CACNA2D2: variants seen among roughly 807,000 people sequenced by gnomAD.
CACNA2D2 encodes the protein voltage-dependent calcium channel subunit alpha-2/delta-2.
In CACNA2D2, 48 loss-of-function variants were observed where a neutral mutation model predicts 166.4. That is an observed-to-expected ratio of 0.29 (90% CI 0.23 to 0.37). The LOEUF is 0.37. Ranked by LOEUF, CACNA2D2 falls within the 10% of genes least tolerant of loss-of-function variation. The pLI, the probability that CACNA2D2 is intolerant of heterozygous loss-of-function variation, is 1.00. For missense variants in CACNA2D2, 1,122 were observed against 1,433.0 expected (o/e 0.78, Z 3.50); for synonymous variants, 561 against 573.7 (o/e 0.98, Z 0.32).
At position 50,367,201 on chromosome 3, in the gene CACNA2D2, G is replaced by A. The variant is rs1334231669; in HGVS notation, c.2402-92C>T. On this transcript the variant is annotated intron_variant, in intron 27 of 37. Transcript: ENST00000424201. This position sits in a 1 kb window ranked among gnomAD's most constrained non-coding sequence, Gnocchi z 6.5. ...CTACAAACCCAGCAGTCCAATCCCG[G>A]GATGACTCCAGCCCAAGCACCCAGC... 3.6e-6 allele frequency: 4 copies of A among 1,096,620 alleles called. No individual in the cohort carries two copies. Among genetic ancestry groups the A allele is most frequent in the Non-Finnish European group, 5.5e-6 (4 of 733,450 alleles). The allele number at this position is 1,096,620 out of a possible 1,614,324, so 67.9% of individuals were successfully genotyped here.
intron 3 of CACNA2D2, among the ~76,000 whole-genome samples, chr3:50,397,670 G>A (rs1706227887): frequency 6.6e-6 from 1 of 152,218 alleles, no homozygotes; most frequent in Non-Finnish European, 1.5e-5. Flanking sequence ...ACCCTCAGCA[G>A]CTGCACATAG....
At chr3:50,434,556 C>A in intron 2 of CACNA2D2, 127 bp from the exon 3 acceptor site, 1 of 726,904 alleles carries the variant, frequency 1.4e-6, no homozygotes, top group Non-Finnish European at 2.4e-6. Context: ...CTGTCTTTGG[C>A]CTCTGAGAGA....
chr3:50,454,941 C>G (rs1256613971), intron 2 of CACNA2D2, among the ~76,000 whole-genome samples: 2 of 152,166 alleles, frequency 1.3e-5, no homozygotes, highest in Non-Finnish European at 2.9e-5. Context: ...ATGGCGCCCC[C>G]CTTGAAGCCA....
chr3:50,415,149 A>G (rs72936980), intron 3 of CACNA2D2, among the ~76,000 whole-genome samples: 4,746 of 152,278 alleles, frequency 0.031, 243 homozygotes, highest in African/African-American at 0.11. Context: ...CTGACGGCCA[A>G]TGAAATGCCC....
In CACNA2D2 at chr3:50,479,968, T is replaced by C. The variant is rs544483885; in HGVS notation, c.207-3769A>G. 5.3e-5 allele frequency among the ~76,000 whole-genome samples: 8 copies of C among 151,910 alleles called. 1 individual carries two copies. The South Asian group carries it at 1.7e-3, about 32-fold the overall frequency. ...AACTAACAAGGCAGTGAGGGGAGAG[T>C]GGCCAGGAGGAGATGTAGGCATCTA... On this transcript the variant is annotated intron_variant, in intron 1 of 37. Coordinates refer to ENST00000424201, the MANE Select transcript of CACNA2D2 (RefSeq NM_006030.4).
At chr3:50,449,269 C>T (rs1305385101) in intron 2 of CACNA2D2, among the ~76,000 whole-genome samples, 1 of 152,234 alleles carries the variant, frequency 6.6e-6, no homozygotes, top group Non-Finnish European at 1.5e-5. Context: ...CCTAGGACCT[C>T]ACCATGAGCC....
chr3:50,378,887 C>T (rs776383925), intron 13 of CACNA2D2, 28 bp downstream of exon 13: 2 of 1,613,058 alleles, frequency 1.2e-6, no homozygotes, highest in South Asian at 2.2e-5. Context: ...GCAGGCAGGC[C>T]CCTGACAGTG....
intron 1 of CACNA2D2, among the ~76,000 whole-genome samples, chr3:50,483,267 C>A (rs1007942391): frequency 6.6e-6 from 1 of 152,172 alleles, no homozygotes; most frequent in African/African-American, 2.4e-5. Flanking sequence ...CCACTCATTG[C>A]ATGCACACAG....
At chr3:50,450,750 G>A (rs1240312878) in intron 2 of CACNA2D2, among the ~76,000 whole-genome samples, 1 of 152,146 alleles carries the variant, frequency 6.6e-6, no homozygotes. Context: ...CTGACTCAGA[G>A]CCTTCCCTTC....
In CACNA2D2 at chr3:50,405,494, T is replaced by C. The variant is rs78236780; in HGVS notation, c.406-11326A>G. Among the ~76,000 whole-genome samples the C allele has an allele frequency of 6.9e-3, 1,051 of 152,218 alleles. 6 individuals carry two copies. The highest frequency in any genetic ancestry group is 0.024 in the African/African-American group (982 of 41,526). On this transcript the variant is annotated intron_variant, in intron 3 of 37. Coordinates refer to ENST00000424201, the MANE Select transcript of CACNA2D2 (RefSeq NM_006030.4). Reference sequence around the variant, plus strand: ...TCAGGGCTGGGTTTGGGCAACCACCTGGGTGTTATCTTGCCCAGGCCCCCT... The same window carrying C: ...TCAGGGCTGGGTTTGGGCAACCACCCGGGTGTTATCTTGCCCAGGCCCCCT...
At chr3:50,399,697 C>T (rs925195981) in intron 3 of CACNA2D2, among the ~76,000 whole-genome samples, 1 of 152,166 alleles carries the variant, frequency 6.6e-6, no homozygotes, top group Admixed American at 6.5e-5. Context: ...CTGCCCCAGA[C>T]CCCTAGGTAG....
chr3:50,410,803 G>A (rs1231549742), intron 3 of CACNA2D2, among the ~76,000 whole-genome samples: 1 of 152,244 alleles, frequency 6.6e-6, no homozygotes, highest in East Asian at 1.9e-4. Flanking sequence ...AGTGGGTGAG[G>A]AGGTTTCTTC....
At chr3:50,460,161 G>C (rs1709528318) in intron 2 of CACNA2D2, among the ~76,000 whole-genome samples, 2 of 152,186 alleles carry the variant, frequency 1.3e-5, no homozygotes, top group Admixed American at 1.3e-4. Flanking sequence ...AAGAAAAAAA[G>C]GAGACTAGGG....
At chr3:50,429,985 G>T (rs1707994751) in intron 3 of CACNA2D2, among the ~76,000 whole-genome samples, 1 of 152,186 alleles carries the variant, frequency 6.6e-6, no homozygotes, top group African/African-American at 2.4e-5. Context: ...GCAAAGGTCT[G>T]ACCCTTAGGA....
At chr3:50,480,584 AG>A (rs1182942875) in intron 1 of CACNA2D2, among the ~76,000 whole-genome samples, 3 of 151,692 alleles carry the variant, frequency 2.0e-5, no homozygotes, top group African/African-American at 7.3e-5. Flanking sequence ...CTTGGTTTCC[AG>A]GGCATGGTTC....
intron 1 of CACNA2D2, among the ~76,000 whole-genome samples, chr3:50,491,718 G>C (rs995523250): frequency 2.0e-5 from 3 of 152,232 alleles, no homozygotes; most frequent in Non-Finnish European, 4.4e-5. Flanking sequence ...AGGACTATCA[G>C]TCGGGGGACT....
rs748268835 is a variant in CACNA2D2, at chr3:50,394,181, G to A, written c.406-13C>T. The A allele has an allele frequency of 1.5e-5, 25 of 1,613,120 alleles. No individual in the cohort carries two copies. Among genetic ancestry groups the A allele is most frequent in the Admixed American group, 8.3e-5 (5 of 59,998 alleles). ...CATCAGCCAGTCTCTGAGGGACAGA[G>A]CACAGGGAGGTCAGAAGCGGAGGAA... On this transcript the variant is annotated splice_polypyrimidine_tract_variant and intron_variant, in intron 3 of 37. Coordinates refer to ENST00000424201, the MANE Select transcript of CACNA2D2 (RefSeq NM_006030.4).
At chr3:50,408,018 G>A (rs1020423594) in intron 3 of CACNA2D2, among the ~76,000 whole-genome samples, 5 of 152,154 alleles carry the variant, frequency 3.3e-5, no homozygotes, top group Admixed American at 2.6e-4. Flanking sequence ...CTCTTCCACA[G>A]GACCTCATTT....
chr3:50,429,634 G>C (rs1357221184), intron 3 of CACNA2D2, among the ~76,000 whole-genome samples: 2 of 149,618 alleles, frequency 1.3e-5, no homozygotes, highest in Non-Finnish European at 3.0e-5. Flanking sequence ...GCCAGGCGTG[G>C]TGGCAGGCAC....
Sources: gnomAD v4.1 joint callset for allele counts (sites outside exome capture counted in the v4.1 genomes callset) on GRCh38, gnomAD v4.1.1 for gene constraint, Gnocchi (gnomAD v3.1) non-coding constraint, MANE v1.5 for transcripts, NCBI Gene and HGNC (gene_info 2026-07-23, HGNC 2026-07-21) for gene names.